WWOX: variants seen among roughly 807,000 people sequenced by gnomAD.
WWOX encodes WW domain-containing oxidoreductase.
A neutral mutation model predicts 46.2 loss-of-function variants in WWOX; 69 were observed. That is an observed-to-expected ratio of 1.49 (90% CI 1.23 to 1.82). WWOX has a LOEUF of 1.82. WWOX is among the 40% of genes most tolerant of loss of function. WWOX has a pLI of 0.00. For missense variants in WWOX, 919 were observed against 542.6 expected (o/e 1.69, Z -6.89); for synonymous variants, 359 against 202.6 (o/e 1.77, Z -6.56).
chr16:79,032,463 A>G (rs894422174), intron 8 of WWOX, among the ~76,000 whole-genome samples: 1 of 147,750 alleles, frequency 6.8e-6, no homozygotes, highest in Non-Finnish European at 1.5e-5. Context: ...TCTATATATT[A>G]TAATAAACCC....
chr16:79,211,056 T>TGTGTGC (rs760064090), intron 8 of WWOX, among the ~76,000 whole-genome samples: 1 of 150,314 alleles, frequency 6.7e-6, no homozygotes, highest in African/African-American at 2.5e-5. Context: ...TGTGTGTGTG[T>TGTGTGC]GCATTAAATG....
intron 8 of WWOX, among the ~76,000 whole-genome samples, chr16:78,980,579 A>G (rs888934107): frequency 2.0e-4 from 31 of 152,208 alleles, no homozygotes; most frequent in Admixed American, 8.5e-4. Flanking sequence ...TTCTTTTACC[A>G]TCTCTCAGGA....
chr16:78,612,926 T>C (rs1429460288), intron 8 of WWOX, among the ~76,000 whole-genome samples: 1 of 152,232 alleles, frequency 6.6e-6, no homozygotes, highest in African/African-American at 2.4e-5. Context: ...AGTATGTGTC[T>C]CATTTTTTTC....
intron 8 of WWOX, among the ~76,000 whole-genome samples, chr16:78,763,396 C>T (rs2049842185): frequency 6.6e-6 from 1 of 152,184 alleles, no homozygotes; most frequent in Non-Finnish European, 1.5e-5. Flanking sequence ...CATTGAATAC[C>T]TGCTATCTAC....
intron 8 of WWOX, among the ~76,000 whole-genome samples, chr16:78,745,860 T>A (rs2049336127): frequency 1.4e-5 from 2 of 139,468 alleles, no homozygotes; most frequent in African/African-American, 5.4e-5. Flanking sequence ...TCATCTAGTT[T>A]GGAAAAAGCA....
intron 8 of WWOX, among the ~76,000 whole-genome samples, chr16:78,690,741 A>G (rs2047966399): frequency 6.6e-6 from 1 of 152,188 alleles, no homozygotes; most frequent in South Asian, 2.1e-4. Flanking sequence ...ATAAACTTCT[A>G]CCATTAAGTC....
At chr16:78,203,805 A>T (rs1201156441) in intron 5 of WWOX, among the ~76,000 whole-genome samples, 1 of 152,212 alleles carries the variant, frequency 6.6e-6, no homozygotes, top group East Asian at 1.9e-4. Context: ...TGTGGTCGTG[A>T]CAGATGAATC....
chr16:78,421,361 G>T (rs1356428561), intron 6 of WWOX, among the ~76,000 whole-genome samples: 2 of 152,052 alleles, frequency 1.3e-5, no homozygotes, highest in Non-Finnish European at 2.9e-5. Context: ...ATCTTAGTCA[G>T]TCTAATCTCT....
At chr16:79,164,648 C>G (rs898285369) in intron 8 of WWOX, among the ~76,000 whole-genome samples, 2 of 152,118 alleles carry the variant, frequency 1.3e-5, no homozygotes, top group East Asian at 1.9e-4. Flanking sequence ...GGGAAAGTTC[C>G]CACTTTATTA....
At chr16:78,558,686 A>G (rs2044362625) in intron 8 of WWOX, among the ~76,000 whole-genome samples, 1 of 152,156 alleles carries the variant, frequency 6.6e-6, no homozygotes, top group Non-Finnish European at 1.5e-5. Flanking sequence ...TCCAGCCTCC[A>G]ATTCACTGAG....
intron 8 of WWOX, among the ~76,000 whole-genome samples, chr16:79,089,451 C>G (rs958851181): frequency 6.6e-6 from 1 of 151,804 alleles, no homozygotes; most frequent in East Asian, 1.9e-4. Flanking sequence ...TCTGCCTCAG[C>G]CTCCCGAGTA....
In WWOX at chr16:78,099,658, T is replaced by G; in HGVS notation, c.-121T>G. ...GCGGAGCGGCCCCTGGAGGGCGCAG[T>G]GCGCAGGCGTGAGCGGTCGGGCCCC... On this transcript the variant is annotated 5_prime_UTR_variant, in exon 1 of 9. Transcript: ENST00000566780. The G allele has an allele frequency of 7.8e-7, 1 of 1,281,216 alleles. No homozygotes were observed. Among genetic ancestry groups the G allele is most frequent in the South Asian group, 1.7e-5 (1 of 59,846 alleles). 79.4% of individuals were successfully genotyped at this position (1,281,216 alleles called of 1,614,324 possible). A position where few individuals can be genotyped will look rare whatever the true frequency, so the allele number is the denominator to read the frequency against.
chr16:78,143,295 T>C (rs1245678395), intron 4 of WWOX, among the ~76,000 whole-genome samples: 2 of 152,230 alleles, frequency 1.3e-5, no homozygotes, highest in African/African-American at 2.4e-5. Flanking sequence ...GCTGTTATAA[T>C]TATTCACATT....
At chr16:79,082,297 G>A (rs1044394499) in intron 8 of WWOX, among the ~76,000 whole-genome samples, 3 of 152,168 alleles carry the variant, frequency 2.0e-5, no homozygotes, top group East Asian at 1.9e-4. Context: ...TTTGAGACCC[G>A]TTTCTGCTTC....
At chr16:78,671,615 G>C (rs1337031613) in intron 8 of WWOX, among the ~76,000 whole-genome samples, 1 of 152,030 alleles carries the variant, frequency 6.6e-6, no homozygotes, top group East Asian at 1.9e-4. Context: ...TACCTATAAA[G>C]TAGAGATTCC....
intron 5 of WWOX, among the ~76,000 whole-genome samples, chr16:78,312,516 A>G (rs1400105194): frequency 4.0e-5 from 6 of 151,866 alleles, no homozygotes; most frequent in African/African-American, 1.2e-4. Flanking sequence ...CTGGGATTAC[A>G]GGTGCCTGCC....
At chr16:78,489,275 G>C (rs572879838) in intron 8 of WWOX, among the ~76,000 whole-genome samples, 47 of 152,292 alleles carry the variant, frequency 3.1e-4, no homozygotes, top group African/African-American at 1.1e-3. Context: ...TGTAACATAA[G>C]AACAGATGTT....
intron 8 of WWOX, among the ~76,000 whole-genome samples, chr16:78,712,534 A>G (rs1196244250): frequency 6.6e-6 from 1 of 151,982 alleles, no homozygotes; most frequent in East Asian, 1.9e-4. Flanking sequence ...TGATTAAAAG[A>G]GACTTAAGAC....
intron 5 of WWOX, among the ~76,000 whole-genome samples, chr16:78,181,938 A>G (rs2035543695): frequency 6.6e-6 from 1 of 152,190 alleles, no homozygotes; most frequent in African/African-American, 2.4e-5. Flanking sequence ...GCCCTTGGAA[A>G]GGACTCTTTT....
Sources: allele counts gnomAD v4.1 joint callset (sites outside exome capture counted in the v4.1 genomes callset), GRCh38; gene constraint gnomAD v4.1.1; transcripts MANE v1.5; gene names NCBI Gene and HGNC (gene_info 2026-07-23, HGNC 2026-07-21).